ZNF541: variants seen among roughly 807,000 people sequenced by gnomAD.
ZNF541 encodes the protein zinc finger protein 541.
Under a neutral mutation model 123.5 loss-of-function variants are expected in ZNF541, and 23 were observed. That is an observed-to-expected ratio of 0.19 (90% CI 0.13 to 0.26). The LOEUF (loss-of-function observed/expected upper bound fraction) is 0.26, where lower values mean the gene tolerates loss of function less well. ZNF541 is among the 10% of genes least tolerant of loss of function. The pLI, the probability that ZNF541 is intolerant of heterozygous loss-of-function variation, is 1.00. For synonymous variants in ZNF541, 751 were observed against 754.5 expected (o/e 1.00, Z 0.08); for missense variants, 1,612 against 1,789.9 (o/e 0.90, Z 1.79).
rs1199030203 is a variant in ZNF541 at position 47,521,604 on chromosome 19, T to G, written c.3762A>C (p.Leu1254Phe). ...ACTCCCTCCTATAACTCTTGGTCTT[T>G]AACTTGGGAGTTGGATGGTGGCTGG... ...ERPSHHPTPKLKTKSYRRESI... is the reference protein window; with the variant it reads ...ERPSHHPTPKFKTKSYRRESI... The change falls in exon 16 of 17, where the codon TTA becomes TTC. Residue 1254 changes from leucine (L) to phenylalanine (F), a missense_variant. Leu to Phe is a conservative substitution (Grantham distance 22). Transcript: ENST00000391901. This position sits in a 1 kb window ranked among gnomAD's most constrained non-coding sequence, Gnocchi z 4.2. The G allele has an allele frequency of 6.4e-7, 1 of 1,551,698 alleles. No homozygotes were observed. Among genetic ancestry groups the G allele is most frequent in the South Asian group, 1.2e-5 (1 of 84,056 alleles).
chr19:47,570,013 G>A (rs1347485546), intron 2 of ZNF541, among the ~76,000 whole-genome samples: 3 of 152,062 alleles, frequency 2.0e-5, no homozygotes, highest in East Asian at 1.9e-4. Flanking sequence ...GGTGGCTCAC[G>A]ACTCTAATTC....
chr19:47,570,610 GT>G (rs1568528889), intron 2 of ZNF541, among the ~76,000 whole-genome samples: 1 of 125,632 alleles, frequency 8.0e-6, no homozygotes, highest in African/African-American at 2.9e-5. Flanking sequence ...AGCGCATTTT[GT>G]TTTTTTGTTT....
intron 4 of ZNF541, among the ~76,000 whole-genome samples, chr19:47,546,598 T>A (rs1028274273): frequency 6.6e-6 from 1 of 151,436 alleles, no homozygotes; most frequent in African/African-American, 2.4e-5. Context: ...CCAGAGTGGG[T>A]TCCCAAGGAA....
intron 2 of ZNF541, among the ~76,000 whole-genome samples, chr19:47,558,901 C>T (rs574190478): frequency 1.3e-5 from 2 of 151,984 alleles, no homozygotes; most frequent in South Asian, 2.1e-4. Flanking sequence ...CCCGCCCCCG[C>T]GCCCGGCTAA....
rs1971014062 is a variant in ZNF541, at chr19:47,560,473, G to A, written c.-98-4519C>T. On this transcript the variant is annotated intron_variant, in intron 2 of 16. Transcript: ENST00000391901. ...TGCCTGTAATCCCAGCTGCTTGGGA[G>A]GCTGAGGCAGGAGAATCACTTGAAT... 2.0e-5 allele frequency among the ~76,000 whole-genome samples: 3 copies of A among 151,704 alleles called. No individual in the cohort carries two copies. In the South Asian group the frequency reaches 6.2e-4, roughly 32 times the overall value.
chr19:47,573,021 A>T (rs574590123), intron 1 of ZNF541, among the ~76,000 whole-genome samples, 62 bp downstream of exon 1: 18 of 151,156 alleles, frequency 1.2e-4, no homozygotes, highest in African/African-American at 3.9e-4. Flanking sequence ...AAAAGAGGAA[A>T]TAATAGTAAT....
chr19:47,529,756 A>G lies in ZNF541; in HGVS notation c.3406-104T>C. Reference sequence around the variant, plus strand: ...AACACTTGCGGCTGTCCCTGAAGACACTGCCTGTCCCAGGGCTATTCAAAG... The same window carrying G: ...AACACTTGCGGCTGTCCCTGAAGACGCTGCCTGTCCCAGGGCTATTCAAAG... On this transcript the variant is annotated intron_variant, in intron 12 of 16. Transcript: ENST00000391901. 3.6e-6 allele frequency: 4 copies of G among 1,096,058 alleles called. No homozygotes were observed. The South Asian group carries it at 4.3e-5, about 12-fold the overall frequency. 67.9% of individuals were successfully genotyped at this position (1,096,058 alleles called of 1,614,324 possible).
rs1261200032 is a variant in ZNF541, at chr19:47,538,389, C to T, written c.2847G>A (p.Gln949=). The part of the protein sequence containing the change: ...EERDSKESSQ[Q]RKRKKRPPPS... ...GTGGGGGCCGCTTCTTCCGCTTTCT[C>T]TGCTGGCTGCTCTCCTTGCTGTCTC... The change falls in exon 9 of 17, where the codon CAG becomes CAA. Residue 949 remains glutamine (Q), a synonymous_variant. Coordinates refer to ENST00000391901, the MANE Select transcript of ZNF541 (RefSeq NM_001277075.3). 2 of 1,543,824 alleles carry T rather than the reference C, an allele frequency of 1.3e-6. No individual in the cohort carries two copies. Among genetic ancestry groups the T allele is most frequent in the Admixed American group, 4.0e-5 (2 of 49,998 alleles).
chr19:47,532,132 A>T lies in ZNF541; in HGVS notation c.3297T>A (p.Asp1099Glu), dbSNP rs1599956880. 1.3e-6 allele frequency: 2 copies of T among 1,551,702 alleles called. No individual in the cohort carries two copies. The highest frequency in any genetic ancestry group is 1.7e-6 in the Non-Finnish European group (2 of 1,146,990). Residue 1099 changes from aspartate to glutamate, a missense_variant, in exon 11 of 17, where the codon GAT becomes GAA. This residue lies in a region of ZNF541 where 285 missense variants were observed against 407.3 expected (regional missense o/e 0.70). Transcript: ENST00000391901. ...GDMMISSETQ[D>E]RVTELCNVAC... is the part of the protein sequence containing the mutation. Reference sequence around the variant, plus strand: ...TAGCCCCAAAGCCTCAGCCACCTCTATCCTGTGTCTCTGAGCTGATCATCA... The same window carrying T: ...TAGCCCCAAAGCCTCAGCCACCTCTTTCCTGTGTCTCTGAGCTGATCATCA...
At chr19:47,538,573 G>T in intron 8 of ZNF541, 134 bp from the exon 9 acceptor site, 1 of 961,384 alleles carries the variant, frequency 1.0e-6, no homozygotes, top group Non-Finnish European at 1.5e-6. Flanking sequence ...CGGCAAAGGA[G>T]GCTGGCCACA....
chr19:47,555,681 G>A lies in ZNF541; in HGVS notation c.176C>T (p.Pro59Leu), dbSNP rs1298899283. The A allele has an allele frequency of 6.4e-7, 1 of 1,551,644 alleles. No homozygotes were observed. The highest frequency in any genetic ancestry group is 1.4e-5 in the African/African-American group (1 of 73,038). The change falls in exon 3 of 17, where the codon CCA becomes CTA. Residue 59 changes from proline (P) to leucine (L), a missense_variant. Physicochemically the swap from Pro to Leu is moderately conservative, Grantham distance 98. Coordinates refer to ENST00000391901, the MANE Select transcript of ZNF541 (RefSeq NM_001277075.3). ...LSGLDPDPSL[P>L]TPDMSSEVLE... is the part of the protein sequence containing the mutation. ...CACCTCGCTGGACATGTCAGGCGTT[G>A]GGAGGCTGGGGTCCGGGTCCAGACC...
At chr19:47,548,387 G>A (rs113428808) in intron 4 of ZNF541, among the ~76,000 whole-genome samples, 2 of 141,528 alleles carry the variant, frequency 1.4e-5, no homozygotes, top group African/African-American at 5.4e-5. Flanking sequence ...AGGTTGTAGT[G>A]AGCCGAGATC....
At chr19:47,563,378 G>A (rs1971140692) in intron 2 of ZNF541, among the ~76,000 whole-genome samples, 1 of 152,180 alleles carries the variant, frequency 6.6e-6, no homozygotes, top group Non-Finnish European at 1.5e-5. Flanking sequence ...AAAGCAACAT[G>A]TAGGGTCAGG....
At chr19:47,557,432 T>G (rs1262404578) in intron 2 of ZNF541, among the ~76,000 whole-genome samples, 5 of 152,064 alleles carry the variant, frequency 3.3e-5, no homozygotes. Context: ...GAATGACAAT[T>G]ACCCTGATGG....
intron 14 of ZNF541, among the ~76,000 whole-genome samples, chr19:47,526,443 C>T (rs2122887926): frequency 7.0e-6 from 1 of 142,232 alleles, no homozygotes; most frequent in South Asian, 2.2e-4. Flanking sequence ...GATTGCGCCA[C>T]TGCATTCCAG....
At chr19:47,564,791 A>G (rs1375315937) in intron 2 of ZNF541, among the ~76,000 whole-genome samples, 4 of 152,248 alleles carry the variant, frequency 2.6e-5, no homozygotes, top group Non-Finnish European at 5.9e-5. Flanking sequence ...CATTTGATCC[A>G]GCAATCTCAC....
chr19:47,555,750 T>C lies in ZNF541; in HGVS notation c.107A>G (p.Asp36Gly). The C allele has an allele frequency of 6.4e-7, 1 of 1,551,660 alleles. No individual in the cohort carries two copies. Among genetic ancestry groups the C allele is most frequent in the Non-Finnish European group, 8.7e-7 (1 of 1,146,990 alleles). The change falls in exon 3 of 17, where the codon GAT becomes GGT. Residue 36 changes from aspartate (D) to glycine (G), a missense_variant. Physicochemically the swap from Asp to Gly is moderately conservative, Grantham distance 94. Coordinates refer to ENST00000391901, the MANE Select transcript of ZNF541 (RefSeq NM_001277075.3). ...GLNCSDTLNR[D>G]LGPNTRGFLY... is the part of the protein sequence containing the mutation. ...AAAGCCTCGCGTGTTGGGACCCAAA[T>C]CCCGGTTGAGGGTGTCGCTGCAGTT...
intron 2 of ZNF541, among the ~76,000 whole-genome samples, chr19:47,557,200 C>T (rs1053178818): frequency 1.3e-5 from 2 of 152,086 alleles, no homozygotes; most frequent in Non-Finnish European, 2.9e-5. Flanking sequence ...GCTGCCCTGC[C>T]GTCTGGGACC....
chr19:47,539,002 T>A (rs539354201), intron 8 of ZNF541, among the ~76,000 whole-genome samples: 1 of 152,236 alleles, frequency 6.6e-6, no homozygotes, highest in Admixed American at 6.5e-5. Flanking sequence ...AGGTCTCAGA[T>A]CCCATACCTC....
Sources: allele counts gnomAD v4.1 joint callset (sites outside exome capture counted in the v4.1 genomes callset), GRCh38; gene constraint gnomAD v4.1.1; regional missense constraint gnomAD v4.1.1; non-coding constraint Gnocchi (gnomAD v3.1); transcripts MANE v1.5; gene names NCBI Gene and HGNC (gene_info 2026-07-23, HGNC 2026-07-21).